The following PPARGC1B variants were observed in gnomAD, a reference collection of about 807,000 sequenced individuals.
PPARGC1B encodes PPARG coactivator 1 beta.
A neutral mutation model predicts 101.6 loss-of-function variants in PPARGC1B; 34 were observed. The ratio of observed to expected loss-of-function variants is 0.33; its 90% CI spans 0.25 to 0.45. The LOEUF (loss-of-function observed/expected upper bound fraction) is 0.45, where lower values mean the gene tolerates loss of function less well. Among genes scored for constraint, PPARGC1B ranks in the 20% least tolerant of loss-of-function variants. The pLI is 1.00. For synonymous variants in PPARGC1B, 548 were observed against 539.3 expected, an observed-to-expected ratio of 1.02 and a Z score of -0.22; for missense variants, 1,234 against 1,317.6, an observed-to-expected ratio of 0.94 and a Z score of 0.98.
chr5:149,759,172 T>C lies in PPARGC1B; in HGVS notation c.78+28752T>C, dbSNP rs115109928. ...AGAATCTATCTTTATTAAGGCCTTA[T>C]AGATCTTCATTAAGGTTTAAAGAAG... On this transcript the variant is annotated intron_variant, in intron 1 of 11. Transcript: ENST00000309241. 4.7e-3 allele frequency among the ~76,000 whole-genome samples: 722 copies of C among 152,340 alleles called. 8 individuals carry two copies. The highest frequency in any genetic ancestry group is 0.017 in the African/African-American group (687 of 41,592).
intron 1 of PPARGC1B, among the ~76,000 whole-genome samples, chr5:149,798,809 T>C (rs1363197961): frequency 6.6e-6 from 1 of 152,174 alleles, no homozygotes; most frequent in Non-Finnish European, 1.5e-5. Flanking sequence ...GGACAGTCTG[T>C]CTACCTGCCT....
chr5:149,741,123 G>C (rs1401974118), intron 1 of PPARGC1B, among the ~76,000 whole-genome samples: 1 of 152,156 alleles, frequency 6.6e-6, no homozygotes, highest in East Asian at 1.9e-4. Context: ...AGCCCTGCTT[G>C]GCTGAGAGAT....
intron 11 of PPARGC1B, chr5:149,847,228 A>G (rs903990597): frequency 1.4e-5 from 9 of 660,510 alleles, no homozygotes; most frequent in Non-Finnish European, 2.5e-5. Context: ...TTGGGCCTCC[A>G]GGTCTCTAGA....
At chr5:149,799,494 A>G (rs1484135289) in intron 1 of PPARGC1B, among the ~76,000 whole-genome samples, 2 of 152,070 alleles carry the variant, frequency 1.3e-5, no homozygotes, top group East Asian at 1.9e-4. Context: ...GCTCGATTGA[A>G]GGGAGACCCT....
intron 1 of PPARGC1B, chr5:149,740,270 A>G (rs1454973728): frequency 6.6e-6 from 1 of 152,136 alleles, no homozygotes. Context: ...GGAAATGGGG[A>G]CGATAGTAGC....
At chr5:149,771,196 C>T (rs899500398) in intron 1 of PPARGC1B, among the ~76,000 whole-genome samples, 6 of 152,212 alleles carry the variant, frequency 3.9e-5, no homozygotes, top group Non-Finnish European at 8.8e-5. Context: ...GTGCCGGCCA[C>T]CATTTTCCCT....
At chr5:149,795,151 A>C (rs901321782) in intron 1 of PPARGC1B, among the ~76,000 whole-genome samples, 3 of 152,226 alleles carry the variant, frequency 2.0e-5, no homozygotes, top group Admixed American at 2.0e-4. Context: ...CCTCCCTTGC[A>C]GCAGCTCTGA....
chr5:149,836,982 A>G lies in PPARGC1B; in HGVS notation c.2527A>G (p.Lys843Glu). Residue 843 changes from lysine to glutamate, a missense_variant, in exon 8 of 12, where the codon AAG becomes GAG. Physicochemically the swap from Lys to Glu is moderately conservative, Grantham distance 56 (BLOSUM62 1). Coordinates refer to ENST00000309241, the MANE Select transcript of PPARGC1B (RefSeq NM_133263.4). ...DHCPYQSPPS[K>E]ANRQLCSRSR... ...CTGCCCCTACCAGAGCCCACCAAGC[A>G]AGGCCAACCGGCAGCTCTGTTCCCG... 6.2e-7 allele frequency: 1 copy of G among 1,614,074 alleles called. No individual in the cohort carries two copies. The highest frequency in any genetic ancestry group is 8.5e-7 in the Non-Finnish European group (1 of 1,180,036).
Position 149,778,061 on chromosome 5 carries a change from T to TCACACACACACA in PPARGC1B, c.79-42371_79-42370insACACACACACAC, listed in dbSNP as rs1491385104. Among the ~76,000 whole-genome samples the TCACACACACACA allele has an allele frequency of 4.2e-4, 2 of 4,816 alleles. 1 individual carries two copies. Among genetic ancestry groups the TCACACACACACA allele is most frequent in the Non-Finnish European group, 5.7e-4 (2 of 3,520 alleles). The allele number at this position is 4,816 out of a possible 152,430, so 3.2% of individuals were successfully genotyped here. On this transcript the variant is annotated intron_variant, in intron 1 of 11. Coordinates refer to ENST00000309241, the MANE Select transcript of PPARGC1B (RefSeq NM_133263.4). ...GGCTGCTTATATCCATGTAGCAGCA[T>TCACACACACACA]CTCACACACACACACACACACACAC...
At chr5:149,784,090 G>T (rs952585902) in intron 1 of PPARGC1B, among the ~76,000 whole-genome samples, 3 of 151,944 alleles carry the variant, frequency 2.0e-5, no homozygotes, top group African/African-American at 4.8e-5. Context: ...CAAAGTGGAG[G>T]TCTTTATTGC....
chr5:149,810,193 G>A (rs895036530), intron 1 of PPARGC1B, among the ~76,000 whole-genome samples: 27 of 152,222 alleles, frequency 1.8e-4, no homozygotes, highest in African/African-American at 5.5e-4. Flanking sequence ...GAATTCAAGA[G>A]GCCCTTGAGT....
intron 1 of PPARGC1B, among the ~76,000 whole-genome samples, chr5:149,769,525 C>A (rs1016703838): frequency 6.6e-6 from 1 of 152,162 alleles, no homozygotes; most frequent in Non-Finnish European, 1.5e-5. Flanking sequence ...CTGAGAGACA[C>A]CCCCTACTCC....
At chr5:149,809,667 G>A (rs1460511376) in intron 1 of PPARGC1B, among the ~76,000 whole-genome samples, 2 of 136,590 alleles carry the variant, frequency 1.5e-5, no homozygotes, top group South Asian at 2.4e-4. Flanking sequence ...CAGCTCGGGC[G>A]ACAGAGTGAG....
intron 6 of PPARGC1B, 62 bp from the exon 7 acceptor site, chr5:149,835,238 CG>C: frequency 6.8e-7 from 1 of 1,463,230 alleles, no homozygotes; most frequent in South Asian, 1.1e-5. Flanking sequence ...CTTTCATGGG[CG>C]GGGAGGTGGA....
intron 1 of PPARGC1B, among the ~76,000 whole-genome samples, chr5:149,743,615 C>T (rs116066299): frequency 6.6e-6 from 1 of 152,160 alleles, no homozygotes; most frequent in African/African-American, 2.4e-5. Flanking sequence ...GCTGTTCGAT[C>T]TTTCACAACA....
intron 2 of PPARGC1B, among the ~76,000 whole-genome samples, chr5:149,825,647 G>A (rs1758485579): frequency 6.6e-6 from 1 of 152,172 alleles, no homozygotes; most frequent in Non-Finnish European, 1.5e-5. Context: ...AAATGATCTT[G>A]TTTGTTTGTT....
chr5:149,777,672 C>A (rs1378802026), intron 1 of PPARGC1B, among the ~76,000 whole-genome samples: 1 of 152,100 alleles, frequency 6.6e-6, no homozygotes, highest in Non-Finnish European at 1.5e-5. Context: ...CCCCAGCATC[C>A]TCACATCTTG....
intron 11 of PPARGC1B, chr5:149,846,240 C>T: frequency 1.9e-6 from 1 of 539,184 alleles, no homozygotes; most frequent in Non-Finnish European, 3.3e-6. Context: ...GGGCCAGCTG[C>T]TACCCTGTCC....
chr5:149,804,564 C>T (rs370516800), intron 1 of PPARGC1B, among the ~76,000 whole-genome samples: 4 of 152,138 alleles, frequency 2.6e-5, no homozygotes. Flanking sequence ...CCCAGCTACT[C>T]GGGACGCTGA....
Sources: allele counts gnomAD v4.1 joint callset (sites outside exome capture counted in the v4.1 genomes callset), GRCh38; gene constraint gnomAD v4.1.1; transcripts MANE v1.5; gene names NCBI Gene and HGNC (gene_info 2026-07-23, HGNC 2026-07-21).